Variants in SEMA6D observed in about 807,000 individuals in gnomAD.
SEMA6D encodes the protein semaphorin 6D.
A neutral mutation model predicts 106.6 loss-of-function variants in SEMA6D; 35 were observed. The ratio of observed to expected loss-of-function variants is 0.33; its 90% confidence interval spans 0.25 to 0.44. The LOEUF (loss-of-function observed/expected upper bound fraction) is 0.44, where lower values mean the gene tolerates loss of function less well. Among genes scored for constraint, SEMA6D ranks in the 20% least tolerant of loss-of-function variants. The probability of loss-of-function intolerance (pLI) is 1.00; values close to 1 mark genes in which losing one functional copy is unlikely to be tolerated. For missense variants in SEMA6D, 1,185 were observed against 1,345.9 expected, an observed-to-expected ratio of 0.88 and a Z score of 1.87; for synonymous variants, 499 against 487.7, an observed-to-expected ratio of 1.02 and a Z score of -0.31.
chr15:47,667,775 C>T (rs2078056790), intron 4 of SEMA6D, among the ~76,000 whole-genome samples: 1 of 152,026 alleles, frequency 6.6e-6, no homozygotes, highest in Non-Finnish European at 1.5e-5. Context: ...AAATACCAGC[C>T]CATTAAGGAT....
At chr15:47,602,594 C>G (rs1596410100) in intron 4 of SEMA6D, among the ~76,000 whole-genome samples, 1 of 151,298 alleles carries the variant, frequency 6.6e-6, no homozygotes, top group Non-Finnish European at 1.5e-5. Context: ...ACTGTAGATT[C>G]TTGGCATCAA....
chr15:47,297,185 A>G (rs1285525481), intron 1 of SEMA6D, among the ~76,000 whole-genome samples: 1 of 152,202 alleles, frequency 6.6e-6, no homozygotes, highest in Non-Finnish European at 1.5e-5. Flanking sequence ...AGGAATAAAT[A>G]ATATATTTTA....
chr15:47,227,728 C>T (rs2031838589), intron 1 of SEMA6D, among the ~76,000 whole-genome samples: 1 of 150,526 alleles, frequency 6.6e-6, no homozygotes, highest in Non-Finnish European at 1.5e-5. Context: ...TCCCCACATC[C>T]ACCTTGTAGC....
chr15:47,484,920 C>A (rs1021755228), intron 3 of SEMA6D, among the ~76,000 whole-genome samples: 1 of 152,140 alleles, frequency 6.6e-6, no homozygotes, highest in African/African-American at 2.4e-5. Flanking sequence ...TGGGATAAAT[C>A]CCAATTCTAG....
intron 3 of SEMA6D, among the ~76,000 whole-genome samples, chr15:47,493,815 G>C (rs1050387445): frequency 6.6e-6 from 1 of 152,078 alleles, no homozygotes; most frequent in South Asian, 2.1e-4. Flanking sequence ...TCATACTCTT[G>C]ATCATTTTGC....
chr15:47,539,724 G>A (rs1270747998), intron 3 of SEMA6D, among the ~76,000 whole-genome samples: 2 of 152,152 alleles, frequency 1.3e-5, no homozygotes, highest in Non-Finnish European at 2.9e-5. Flanking sequence ...TATACAAACA[G>A]GAGCAAAGAA....
intron 4 of SEMA6D, among the ~76,000 whole-genome samples, chr15:47,673,084 C>T (rs1163129628): frequency 6.6e-6 from 1 of 152,070 alleles, no homozygotes; most frequent in Non-Finnish European, 1.5e-5. Flanking sequence ...ACATATGCCC[C>T]TAGCTTGGTG....
intron 1 of SEMA6D, among the ~76,000 whole-genome samples, chr15:47,400,653 T>A (rs1159039052): frequency 6.6e-6 from 1 of 152,208 alleles, no homozygotes; most frequent in Non-Finnish European, 1.5e-5. Flanking sequence ...TGCTCTGGAA[T>A]TGTAGTCAGG....
chr15:47,584,038 C>G (rs890378754), intron 3 of SEMA6D, among the ~76,000 whole-genome samples: 3 of 152,182 alleles, frequency 2.0e-5, no homozygotes, highest in Non-Finnish European at 4.4e-5. Flanking sequence ...CTGCCCTTGC[C>G]CCAGCCCTCT....
chr15:47,619,420 C>T (rs2077060937), intron 4 of SEMA6D, among the ~76,000 whole-genome samples: 1 of 152,196 alleles, frequency 6.6e-6, no homozygotes, highest in African/African-American at 2.4e-5. Context: ...GCCAGTGGGC[C>T]TGCAGGCCAG....
intron 2 of SEMA6D, among the ~76,000 whole-genome samples, chr15:47,443,661 G>A (rs2041946045): frequency 1.3e-5 from 2 of 151,986 alleles, no homozygotes; most frequent in African/African-American, 4.8e-5. Context: ...TAATTTAGGG[G>A]GTGATTTTAG....
intron 1 of SEMA6D, chr15:47,730,500 C>T (rs2080046638): frequency 1.5e-6 from 2 of 1,294,720 alleles, no homozygotes; most frequent in African/African-American, 1.5e-5. Context: ...TTCTTATTGT[C>T]CACCAAGGTG....
At chr15:47,282,051 T>G (rs2035148724) in intron 1 of SEMA6D, among the ~76,000 whole-genome samples, 1 of 152,178 alleles carries the variant, frequency 6.6e-6, no homozygotes, top group Admixed American at 6.6e-5. Context: ...ATAATTGTCC[T>G]TATTACTGTA....
chr15:47,365,350 C>G (rs1189013493), intron 1 of SEMA6D, among the ~76,000 whole-genome samples: 1 of 152,172 alleles, frequency 6.6e-6, no homozygotes. Flanking sequence ...CTTCATGTCC[C>G]TGCCCTACAA....
intron 1 of SEMA6D, among the ~76,000 whole-genome samples, chr15:47,353,195 G>A (rs2038397313): frequency 6.6e-6 from 1 of 152,042 alleles, no homozygotes; most frequent in Admixed American, 6.6e-5. Flanking sequence ...GTTTTATGAT[G>A]GTGAATTACA....
At chr15:47,414,704 A>G (rs2040903876) in intron 2 of SEMA6D, among the ~76,000 whole-genome samples, 1 of 152,216 alleles carries the variant, frequency 6.6e-6, no homozygotes, top group Non-Finnish European at 1.5e-5. Context: ...TTGTCTCTGT[A>G]GAGAACTAAG....
intron 1 of SEMA6D, among the ~76,000 whole-genome samples, chr15:47,347,943 C>T (rs1284160005): frequency 6.6e-6 from 1 of 152,150 alleles, no homozygotes; most frequent in East Asian, 1.9e-4. Context: ...GTTTCTGAGT[C>T]CCTTCCATCT....
intron 1 of SEMA6D, among the ~76,000 whole-genome samples, chr15:47,352,429 G>A (rs1166023284): frequency 6.6e-6 from 1 of 152,154 alleles, no homozygotes; most frequent in African/African-American, 2.4e-5. Flanking sequence ...ACTCAAGAGA[G>A]TAGCAGCCTT....
chr15:47,367,985 A>C (rs1295175093), intron 1 of SEMA6D, among the ~76,000 whole-genome samples: 1 of 151,748 alleles, frequency 6.6e-6, no homozygotes, highest in Non-Finnish European at 1.5e-5. Context: ...TTTTCAGAAG[A>C]ACATTTGGTG....
Sources: allele counts gnomAD v4.1 joint callset (sites outside exome capture counted in the v4.1 genomes callset), GRCh38; gene constraint gnomAD v4.1.1; transcripts MANE v1.5; gene names NCBI Gene and HGNC (gene_info 2026-07-23, HGNC 2026-07-21).